Variants in RPA1 observed in about 807,000 individuals in gnomAD.
RPA1 encodes the protein replication protein A 70 kDa DNA-binding subunit.
Under a neutral mutation model 83.0 loss-of-function variants are expected in RPA1, and 49 were observed. The observed-to-expected ratio is 0.59, with a 90% confidence interval of 0.47 to 0.75. RPA1 has a LOEUF of 0.75. Ranked by LOEUF, RPA1 falls within the 30% of genes least tolerant of loss-of-function variation. The probability of loss-of-function intolerance (pLI) is 0.00; values close to 1 mark genes in which losing one functional copy is unlikely to be tolerated. For synonymous variants in RPA1, 279 were observed against 281.8 expected (o/e 0.99, Z 0.10); for missense variants, 693 against 776.1 (o/e 0.89, Z 1.27).
At chr17:1,839,965 G>C (rs867792664) in intron 1 of RPA1, among the ~76,000 whole-genome samples, 7 of 149,876 alleles carry the variant, frequency 4.7e-5, no homozygotes, top group Admixed American at 2.0e-4. Context: ...ACTACTTTTT[G>C]TATTTTTTGT....
chr17:1,850,218 G>T (rs111844910), intron 4 of RPA1, among the ~76,000 whole-genome samples: 14 of 149,692 alleles, frequency 9.4e-5, no homozygotes, highest in Admixed American at 7.3e-4. Flanking sequence ...TTTCATTCTT[G>T]CGATAAATCC....
chr17:1,845,396 G>A (rs1328072221), intron 4 of RPA1, among the ~76,000 whole-genome samples: 2 of 151,622 alleles, frequency 1.3e-5, no homozygotes, highest in African/African-American at 4.8e-5. Context: ...AATTAGTGAG[G>A]TGTGGCGGCA....
chr17:1,863,972 CAT>C (rs1913083782), intron 5 of RPA1, among the ~76,000 whole-genome samples: 2 of 152,262 alleles, frequency 1.3e-5, no homozygotes, highest in East Asian at 3.9e-4. Flanking sequence ...TAATTAAGTA[CAT>C]ATATTAACTA....
rs17339361 is a variant in RPA1 at position 1,898,266 on chromosome 17, G to A, written c.*1091G>A. ...AGCATGAAAACACTAAAAACAAAAA[G>A]CCATTTTGCCTGAGGATGCTGATGA... On this transcript the variant is annotated 3_prime_UTR_variant, in exon 17 of 17. Coordinates refer to ENST00000254719, the MANE Select transcript of RPA1 (RefSeq NM_002945.5). 5.5e-4 allele frequency: 84 copies of A among 152,264 alleles called. No individual in the cohort carries two copies. The highest frequency in any genetic ancestry group is 2.0e-3 in the African/African-American group (82 of 41,556). The allele number at this position is 152,264 out of a possible 1,614,324, so 9.4% of individuals were successfully genotyped here.
intron 16 of RPA1, among the ~76,000 whole-genome samples, chr17:1,895,756 C>T (rs1914393112): frequency 6.6e-6 from 1 of 151,708 alleles, no homozygotes; most frequent in East Asian, 1.9e-4. Flanking sequence ...GATCTTGGCT[C>T]ACCACAACCT....
Position 1,858,214 on chromosome 17 carries a change from A to G in RPA1, c.361+5025A>G, listed in dbSNP as rs151274264. ...GAGTGCAAACTTAGCTGTGTGGATC[A>G]GTGCTGGCCCCAGACACAGGGACTT... On this transcript the variant is annotated intron_variant, in intron 5 of 16. Transcript: ENST00000254719. 1.3e-3 allele frequency: 2,070 copies of G among 1,613,806 alleles called. 76 individuals carry two copies. The East Asian group carries it at 0.045, about 35-fold the overall frequency.
intron 13 of RPA1, 108 bp from the exon 14 acceptor site, chr17:1,888,567 G>T: frequency 9.6e-7 from 1 of 1,044,422 alleles, no homozygotes; most frequent in Non-Finnish European, 1.4e-6. Flanking sequence ...TCTTGAGGAT[G>T]TAGAAACACT....
At chr17:1,880,985 G>A (rs1913772479) in intron 12 of RPA1, among the ~76,000 whole-genome samples, 1 of 152,246 alleles carries the variant, frequency 6.6e-6, no homozygotes, top group Admixed American at 6.5e-5. Flanking sequence ...CAGCAGCGGT[G>A]TGCTGAAGGC....
intron 16 of RPA1, among the ~76,000 whole-genome samples, chr17:1,895,659 G>GTATTTATTTATTTATATATT (rs1914384718): frequency 1.4e-5 from 2 of 141,812 alleles, no homozygotes; most frequent in East Asian, 4.1e-4. Context: ...ATACCATATA[G>GTATTTATTTATTTATATATT]TATTTATTTA....
At chr17:1,859,265 G>C (rs1912847349) in intron 5 of RPA1, among the ~76,000 whole-genome samples, 1 of 152,156 alleles carries the variant, frequency 6.6e-6, no homozygotes, top group Non-Finnish European at 1.5e-5. Flanking sequence ...TACTTGAAAA[G>C]AATGTGTATT....
At chr17:1,874,030 TATACACACAC>T (rs1362312554) in intron 6 of RPA1, among the ~76,000 whole-genome samples, 1 of 90,892 alleles carries the variant, frequency 1.1e-5, no homozygotes, top group Non-Finnish European at 1.9e-5. Context: ...TATATATATA[TATACACACAC>T]ACACACACAC....
chr17:1,895,831 C>T (rs915255304), intron 16 of RPA1, among the ~76,000 whole-genome samples: 8 of 151,752 alleles, frequency 5.3e-5, no homozygotes, highest in Non-Finnish European at 8.8e-5. Context: ...TACAGGCGCC[C>T]GCCACCATGC....
At position 1,843,972 on chromosome 17, in the gene RPA1, T is replaced by C; in HGVS notation, c.137T>C (p.Met46Thr). The change falls in exon 3 of 17, where the codon ATG (methionine) becomes ACG (threonine). Residue 46 changes from methionine to threonine, a missense_variant. Met to Thr is a moderately conservative substitution (Grantham distance 81, BLOSUM62 -1). Transcript: ENST00000254719. ...AGTCCGCCGCGTTATCGACTGCTCA[T>C]GAGTGATGGATTGAACACTCTATCC... Reference protein sequence around the residue: ...GNSPPRYRLLMSDGLNTLSSF... With the variant: ...GNSPPRYRLLTSDGLNTLSSF... 6.2e-7 allele frequency: 1 copy of C among 1,613,868 alleles called. No individual in the cohort carries two copies. Among genetic ancestry groups the C allele is most frequent in the Non-Finnish European group, 8.5e-7 (1 of 1,179,854 alleles).
intron 9 of RPA1, 31 bp downstream of exon 9, chr17:1,879,092 C>T (rs780734547): frequency 3.6e-5 from 58 of 1,613,108 alleles, no homozygotes; most frequent in South Asian, 1.1e-4. Context: ...GAACTGACAC[C>T]GCCTGGGGGT....
intron 12 of RPA1, among the ~76,000 whole-genome samples, chr17:1,882,090 G>A (rs1303810852): frequency 6.6e-6 from 1 of 152,124 alleles, no homozygotes; most frequent in African/African-American, 2.4e-5. Context: ...TCTGTTTAAG[G>A]AACCTGTTCT....
At position 1,884,497 on chromosome 17, in the gene RPA1, C is replaced by A. The variant is rs1913922274; in HGVS notation, c.1374+553C>A. Among the ~76,000 whole-genome samples the A allele has an allele frequency of 6.6e-6, 1 of 152,126 alleles. No individual in the cohort carries two copies. Among genetic ancestry groups the A allele is most frequent in the African/African-American group, 2.4e-5 (1 of 41,424 alleles). On this transcript the variant is annotated intron_variant, in intron 13 of 16. Coordinates refer to ENST00000254719, the MANE Select transcript of RPA1 (RefSeq NM_002945.5). The surrounding 1 kb of genome is among the most constrained non-coding windows in gnomAD (Gnocchi z 4.1). The stretch of plus-strand genomic sequence containing the variant: ...TCCTTTCAGTGTTTGTATTTAATGA[C>A]CCTCCTCCCATCTTGATCTAAGCCT...
chr17:1,856,649 T>A (rs7212332), intron 5 of RPA1, among the ~76,000 whole-genome samples: 4,441 of 151,358 alleles, frequency 0.029, 100 homozygotes, highest in Non-Finnish European at 0.044. Context: ...TTTATTTAAT[T>A]TTTATTTTTA....
intron 4 of RPA1, 26 bp downstream of exon 4, chr17:1,844,712 T>C: frequency 6.4e-7 from 1 of 1,553,604 alleles, no homozygotes; most frequent in Non-Finnish European, 8.9e-7. Flanking sequence ...TTTTCTGTCT[T>C]ATTGTATCGT....
chr17:1,892,485 A>G (rs1178053310), intron 15 of RPA1, among the ~76,000 whole-genome samples: 5 of 152,254 alleles, frequency 3.3e-5, no homozygotes, highest in Non-Finnish European at 7.3e-5. Flanking sequence ...AAACCAAAGC[A>G]CTTTCTAAAT....
Sources: gnomAD v4.1 joint callset for allele counts (sites outside exome capture counted in the v4.1 genomes callset) on GRCh38, gnomAD v4.1.1 for gene constraint, Gnocchi (gnomAD v3.1) non-coding constraint, MANE v1.5 for transcripts, NCBI Gene and HGNC (gene_info 2026-07-23, HGNC 2026-07-21) for gene names.